NAXD: variants seen among roughly 807,000 people sequenced by gnomAD.
NAXD encodes the protein NAD(P)HX dehydratase, also known as ATP-dependent (S)-NAD(P)H-hydrate dehydratase.
A neutral mutation model predicts 35.8 loss-of-function variants in NAXD; 22 were observed. That is an observed-to-expected ratio of 0.62 (90% CI 0.44 to 0.88). NAXD has a LOEUF of 0.88. Ranked by LOEUF, NAXD falls within the 40% of genes least tolerant of loss-of-function variation. NAXD has a pLI of 0.00. For synonymous variants in NAXD, 189 were observed against 177.6 expected (o/e 1.06, Z -0.51); for missense variants, 428 against 437.7 (o/e 0.98, Z 0.20).
At chr13:110,626,355 A>G (rs1307939359) in intron 4 of NAXD, among the ~76,000 whole-genome samples, 2 of 152,048 alleles carry the variant, frequency 1.3e-5, no homozygotes, top group Non-Finnish European at 2.9e-5. Context: ...TTTTGGTCTG[A>G]GCGAGTGGTC....
At chr13:110,625,138 G>C in intron 3 of NAXD, 52 bp from the exon 4 acceptor site, 1 of 1,364,040 alleles carries the variant, frequency 7.3e-7, no homozygotes, top group Non-Finnish European at 1.0e-6. Flanking sequence ...CTGGCGGGTG[G>C]GCAGCGATGC....
At chr13:110,634,024 A>G (rs1346718282) in intron 5 of NAXD, among the ~76,000 whole-genome samples, 3 of 152,220 alleles carry the variant, frequency 2.0e-5, no homozygotes, top group Non-Finnish European at 4.4e-5. Flanking sequence ...GCTGTTGTTC[A>G]TAGCGTTTCC....
intron 5 of NAXD, among the ~76,000 whole-genome samples, chr13:110,631,783 C>T (rs1384661857): frequency 2.6e-5 from 4 of 152,152 alleles, no homozygotes; most frequent in African/African-American, 7.2e-5. Flanking sequence ...TCCATGAAGT[C>T]TCAGGTACCT....
intron 5 of NAXD, among the ~76,000 whole-genome samples, chr13:110,631,882 G>A (rs770046671): frequency 1.3e-5 from 2 of 152,322 alleles, no homozygotes; most frequent in African/African-American, 4.8e-5. Flanking sequence ...TGGAATGTGC[G>A]TCATAAACAG....
Position 110,628,856 on chromosome 13 carries a change from G to A in NAXD, c.441+1309G>A, listed in dbSNP as rs1010545291. Among the ~76,000 whole-genome samples the A allele has an allele frequency of 6.6e-6, 1 of 152,180 alleles. No homozygotes were observed. The highest frequency in any genetic ancestry group is 2.4e-5 in the African/African-American group (1 of 41,444). ...GGGTGCGGATGAATTAGAGGTGAAC[G>A]AGCCAGAGTGCTCTGCTTCAGGTTA... On this transcript the variant is annotated intron_variant, in intron 5 of 9. Transcript: ENST00000680254. This position sits in a 1 kb window ranked among gnomAD's most constrained non-coding sequence, Gnocchi z 4.1.
In NAXD at chr13:110,622,240, G is replaced by C. The variant is rs149247530; in HGVS notation, c.71G>C (p.Arg24Pro). ...GTTTTAGAAAGAGCGTTTTCGCTAC[G>C]TAAAGCACATTCGATAAAGGATATG... ...RRVLERAFSL[R>P]KAHSIKDMEN... The change falls in exon 2 of 10, where the codon CGT becomes CCT. Residue 24 changes from arginine to proline, a missense_variant. Physicochemically the swap from Arg to Pro is moderately radical, Grantham distance 103. Transcript: ENST00000680254. The C allele has an allele frequency of 2.5e-4, 406 of 1,613,462 alleles. 1 individual carries two copies. Among genetic ancestry groups the C allele is most frequent in the Non-Finnish European group, 3.0e-4 (355 of 1,179,700 alleles).
At chr13:110,618,060 C>G (rs1443180153) in intron 1 of NAXD, among the ~76,000 whole-genome samples, 1 of 152,082 alleles carries the variant, frequency 6.6e-6, no homozygotes, top group Non-Finnish European at 1.5e-5. Flanking sequence ...CCAGGTCAGC[C>G]CCTACCATGT....
chr13:110,635,360 C>G, intron 7 of NAXD, 108 bp from the exon 8 acceptor site: 1 of 1,329,394 alleles, frequency 7.5e-7, no homozygotes, highest in South Asian at 1.3e-5. Flanking sequence ...CCTGGGTGAT[C>G]CCTTTAGACA....
chr13:110,621,548 TAGC>T (rs1321068703), intron 1 of NAXD, among the ~76,000 whole-genome samples: 1 of 151,570 alleles, frequency 6.6e-6, no homozygotes, highest in African/African-American at 2.4e-5. Context: ...ATACAAAAAT[TAGC>T]AGGGCAGGGT....
At chr13:110,621,386 A>G (rs1886256550) in intron 1 of NAXD, among the ~76,000 whole-genome samples, 1 of 152,270 alleles carries the variant, frequency 6.6e-6, no homozygotes, top group Non-Finnish European at 1.5e-5. Context: ...ACATTTCAAA[A>G]ATAAACCTGA....
At chr13:110,632,288 T>C (rs910244823) in intron 5 of NAXD, among the ~76,000 whole-genome samples, 1 of 152,180 alleles carries the variant, frequency 6.6e-6, no homozygotes, top group Non-Finnish European at 1.5e-5. Flanking sequence ...GGAGTGAAGC[T>C]GCAGATCTTC....
chr13:110,623,349 T>A (rs2139633192), intron 2 of NAXD, among the ~76,000 whole-genome samples: 1 of 152,352 alleles, frequency 6.6e-6, no homozygotes, highest in Admixed American at 6.5e-5. Context: ...AAAGGTTGCA[T>A]TTGCCCATCT....
chr13:110,620,541 C>T (rs1328897544), intron 1 of NAXD, among the ~76,000 whole-genome samples: 1 of 148,332 alleles, frequency 6.7e-6, no homozygotes, highest in Non-Finnish European at 1.5e-5. Context: ...GATTGTACCA[C>T]TGCACTCCAG....
chr13:110,638,190 T>C lies in NAXD; in HGVS notation c.840-188T>C. The C allele has an allele frequency of 6.7e-7, 1 of 1,489,164 alleles. No individual in the cohort carries two copies. Among genetic ancestry groups the C allele is most frequent in the Admixed American group, 2.2e-5 (1 of 45,544 alleles). The allele number at this position is 1,489,164 out of a possible 1,614,324, so 92.2% of individuals were successfully genotyped here. On this transcript the variant is annotated intron_variant, in intron 9 of 9. Transcript: ENST00000680254. The surrounding 1 kb of genome is among the most constrained non-coding windows in gnomAD (Gnocchi z 5.4). Reference sequence around the variant, plus strand: ...TTCCTGTGTGCCTCCTGCCAGGGAGTAGTGGAGGGTTAATGGTGGTTTTCG... The same window carrying C: ...TTCCTGTGTGCCTCCTGCCAGGGAGCAGTGGAGGGTTAATGGTGGTTTTCG...
intron 3 of NAXD, among the ~76,000 whole-genome samples, chr13:110,624,594 G>T (rs1215259013): frequency 6.6e-6 from 1 of 152,188 alleles, no homozygotes; most frequent in Admixed American, 6.5e-5. Context: ...GAGTAGCTGG[G>T]ATTACAGGCA....
chr13:110,624,036 A>G (rs1304877246), intron 2 of NAXD, among the ~76,000 whole-genome samples, 198 bp from the exon 3 acceptor site: 1 of 151,772 alleles, frequency 6.6e-6, no homozygotes, highest in African/African-American at 2.4e-5. Flanking sequence ...TTCTAGTCGA[A>G]CCTGGTTCAT....
At chr13:110,623,151 G>C (rs1220092937) in intron 2 of NAXD, among the ~76,000 whole-genome samples, 1 of 152,144 alleles carries the variant, frequency 6.6e-6, no homozygotes, top group African/African-American at 2.4e-5. Flanking sequence ...TCTCTTATTA[G>C]TGAGGCTTGT....
intron 1 of NAXD, among the ~76,000 whole-genome samples, chr13:110,616,996 CTTTA>C (rs982607592): frequency 2.0e-5 from 3 of 152,198 alleles, no homozygotes; most frequent in African/African-American, 4.8e-5. Flanking sequence ...CTTCTTAACA[CTTTA>C]TTTAGAGATT....
chr13:110,625,664 G>A (rs562381531), intron 4 of NAXD, among the ~76,000 whole-genome samples: 9 of 152,378 alleles, frequency 5.9e-5, no homozygotes, highest in Non-Finnish European at 1.0e-4. Flanking sequence ...ATGGGTCAGC[G>A]TGGAACTGGG....
Sources: allele counts gnomAD v4.1 joint callset (sites outside exome capture counted in the v4.1 genomes callset), GRCh38; gene constraint gnomAD v4.1.1; non-coding constraint Gnocchi (gnomAD v3.1); transcripts MANE v1.5; gene names NCBI Gene and HGNC (gene_info 2026-07-23, HGNC 2026-07-21).